The following SPIDR variants were observed in gnomAD, a reference collection of about 807,000 sequenced individuals.
SPIDR encodes the protein scaffold protein involved in DNA repair, also known as DNA repair-scaffolding protein.
Under a neutral mutation model 104.6 loss-of-function variants are expected in SPIDR, and 93 were observed. The ratio of observed to expected loss-of-function variants is 0.89; its 90% CI spans 0.75 to 1.06. The LOEUF is 1.06. SPIDR is among the 50% of genes least tolerant of loss of function. The pLI is 0.00. For synonymous variants in SPIDR, 431 were observed against 416.9 expected, an observed-to-expected ratio of 1.03 and a Z score of -0.41; for missense variants, 1,154 against 1,111.2, an observed-to-expected ratio of 1.04 and a Z score of -0.55.
At chr8:47,387,627 C>A (rs1431049804) in intron 5 of SPIDR, among the ~76,000 whole-genome samples, 2 of 152,164 alleles carry the variant, frequency 1.3e-5, no homozygotes, top group African/African-American at 4.8e-5. Context: ...AGGAACATAT[C>A]AGGAGTTTGA....
At chr8:47,651,358 C>T (rs534422523) in intron 10 of SPIDR, among the ~76,000 whole-genome samples, 3 of 152,136 alleles carry the variant, frequency 2.0e-5, no homozygotes, top group Non-Finnish European at 4.4e-5. Flanking sequence ...TGCTCAACAT[C>T]ACTAATTATC....
chr8:47,588,187 A>G (rs1271126924), intron 8 of SPIDR, among the ~76,000 whole-genome samples: 1 of 147,180 alleles, frequency 6.8e-6, no homozygotes, highest in Non-Finnish European at 1.5e-5. Context: ...CATCTTTATG[A>G]TTTTGAGTTT....
At chr8:47,534,255 A>T (rs574056887) in intron 8 of SPIDR, among the ~76,000 whole-genome samples, 66 of 152,356 alleles carry the variant, frequency 4.3e-4, no homozygotes, top group Non-Finnish European at 8.1e-4. Flanking sequence ...TGTTCTTAGC[A>T]ACATAAGAAC....
At chr8:47,658,351 G>A (rs949822496) in intron 10 of SPIDR, among the ~76,000 whole-genome samples, 2 of 151,754 alleles carry the variant, frequency 1.3e-5, no homozygotes, top group African/African-American at 2.4e-5. Flanking sequence ...CCAGGAGGCA[G>A]AGGTTGCAGT....
At chr8:47,293,552 T>C (rs1410096579) in intron 4 of SPIDR, among the ~76,000 whole-genome samples, 1 of 152,192 alleles carries the variant, frequency 6.6e-6, no homozygotes, top group Non-Finnish European at 1.5e-5. Context: ...GTTCAAGCGA[T>C]TCTGGTGCCT....
intron 8 of SPIDR, among the ~76,000 whole-genome samples, chr8:47,553,666 T>G (rs1026083748): frequency 6.6e-6 from 1 of 152,224 alleles, no homozygotes; most frequent in Non-Finnish European, 1.5e-5. Flanking sequence ...TCAAGTTTTT[T>G]AGCTTCTTTG....
chr8:47,286,712 A>G (rs2038918457), intron 3 of SPIDR, among the ~76,000 whole-genome samples: 1 of 152,162 alleles, frequency 6.6e-6, no homozygotes, highest in African/African-American at 2.4e-5. Context: ...ATCTAGGGGG[A>G]AAAAGATAAC....
At chr8:47,404,878 A>G (rs536535666) in intron 6 of SPIDR, among the ~76,000 whole-genome samples, 1 of 152,358 alleles carries the variant, frequency 6.6e-6, no homozygotes, top group Non-Finnish European at 1.5e-5. Flanking sequence ...ATTATAAATC[A>G]TGCTGCTATA....
In SPIDR at chr8:47,396,626, G is replaced by T. The variant is rs1554658794; in HGVS notation, c.776G>T (p.Arg259Ile). Reference protein sequence around the residue: ...PENSAKKKLLRGGLAERLNGL... With the variant: ...PENSAKKKLLIGGLAERLNGL... ...AATTCAGCAAAGAAGAAGCTTTTAA[G>T]GTTAAATTATACCCTTTTAAATACT... is the stretch of plus-strand genomic sequence containing the variant. The change falls in exon 6 of 20, where the codon AGA (arginine) becomes ATA (isoleucine). Residue 259 changes from arginine to isoleucine, a missense_variant and splice_region_variant. Physicochemically the swap from Arg to Ile is moderately conservative, Grantham distance 97. Coordinates refer to ENST00000297423, the MANE Select transcript of SPIDR (RefSeq NM_001080394.4). 6.2e-7 allele frequency: 1 copy of T among 1,609,264 alleles called. No homozygotes were observed. Among genetic ancestry groups the T allele is most frequent in the Non-Finnish European group, 8.5e-7 (1 of 1,178,390 alleles).
At chr8:47,732,222 G>C (rs539111750) in intron 19 of SPIDR, 1 of 702,356 alleles carries the variant, frequency 1.4e-6, no homozygotes, top group South Asian at 1.5e-5. Flanking sequence ...CATTTAACTT[G>C]TCAACTAGAA....
At chr8:47,647,040 A>T (rs975361089) in intron 10 of SPIDR, among the ~76,000 whole-genome samples, 2 of 152,198 alleles carry the variant, frequency 1.3e-5, no homozygotes, top group African/African-American at 4.8e-5. Context: ...TAATGGGGAA[A>T]ATAGAAGCAA....
intron 8 of SPIDR, among the ~76,000 whole-genome samples, chr8:47,451,048 A>G (rs1031877073): frequency 1.3e-5 from 2 of 152,230 alleles, no homozygotes; most frequent in African/African-American, 4.8e-5. Flanking sequence ...CAATACAGGA[A>G]AAACATAATT....
intron 5 of SPIDR, among the ~76,000 whole-genome samples, chr8:47,347,806 A>T (rs1279740470): frequency 7.9e-5 from 12 of 151,884 alleles, no homozygotes. Context: ...TGCTTGGTAG[A>T]TCTTCCTCCG....
At chr8:47,336,603 C>A (rs1327249343) in intron 5 of SPIDR, among the ~76,000 whole-genome samples, 1 of 152,096 alleles carries the variant, frequency 6.6e-6, no homozygotes, top group African/African-American at 2.4e-5. Context: ...AATTTCAGTT[C>A]TTTGATATTT....
intron 8 of SPIDR, among the ~76,000 whole-genome samples, chr8:47,563,308 T>G (rs558039337): frequency 6.6e-6 from 1 of 152,238 alleles, no homozygotes; most frequent in East Asian, 1.9e-4. Context: ...TAGCTGAGAT[T>G]ACCAGCGTGC....
intron 11 of SPIDR, among the ~76,000 whole-genome samples, chr8:47,691,849 A>G (rs1270174769): frequency 2.0e-5 from 3 of 152,142 alleles, no homozygotes; most frequent in Non-Finnish European, 4.4e-5. Flanking sequence ...AGGAAGCGCA[A>G]CCACTCCAAA....
chr8:47,261,489 C>T (rs1423642937), intron 1 of SPIDR, among the ~76,000 whole-genome samples: 1 of 152,218 alleles, frequency 6.6e-6, no homozygotes, highest in Admixed American at 6.5e-5. Flanking sequence ...GGAGCGGGTG[C>T]CTAGGAATCG....
chr8:47,682,811 C>T (rs951849716), intron 11 of SPIDR, among the ~76,000 whole-genome samples: 1 of 152,078 alleles, frequency 6.6e-6, no homozygotes. Flanking sequence ...AATAAGAACA[C>T]GGATTTGTTT....
At chr8:47,386,912 T>G (rs782059737) in intron 5 of SPIDR, among the ~76,000 whole-genome samples, 4 of 24,022 alleles carry the variant, frequency 1.7e-4, no homozygotes, top group East Asian at 1.5e-3. Flanking sequence ...GAGATATAGA[T>G]ATAGATATAG....
Sources: allele counts gnomAD v4.1 joint callset (sites outside exome capture counted in the v4.1 genomes callset), GRCh38; gene constraint gnomAD v4.1.1; transcripts MANE v1.5; gene names NCBI Gene and HGNC (gene_info 2026-07-23, HGNC 2026-07-21).